Variants in CSMD2 observed in about 807,000 individuals in gnomAD.
The protein encoded by CSMD2 is CUB and Sushi multiple domains 2.
Under a neutral mutation model 398.5 loss-of-function variants are expected in CSMD2, and 130 were observed. The observed-to-expected ratio is 0.33, with a 90% CI of 0.28 to 0.38. The LOEUF is 0.38. CSMD2 is among the 10% of genes least tolerant of loss of function. CSMD2 has a pLI of 1.00. For missense variants in CSMD2, 3,829 were observed against 4,764.9 expected (o/e 0.80, Z 5.78); for synonymous variants, 1,828 against 1,908.5 (o/e 0.96, Z 1.10).
chr1:33,976,355 C>T (rs1645963167), intron 3 of CSMD2, among the ~76,000 whole-genome samples: 1 of 152,218 alleles, frequency 6.6e-6, no homozygotes, highest in African/African-American at 2.4e-5. Flanking sequence ...AACAAAATCT[C>T]AGAACCCACC....
chr1:33,923,884 ACC>A, intron 4 of CSMD2, among the ~76,000 whole-genome samples: 1 of 151,950 alleles, frequency 6.6e-6, no homozygotes, highest in Non-Finnish European at 1.5e-5. Context: ...ACCATCCCCC[ACC>A]TCCTGTCCAT....
chr1:33,711,813 C>T (rs778154351), intron 21 of CSMD2, among the ~76,000 whole-genome samples: 11 of 152,198 alleles, frequency 7.2e-5, no homozygotes, highest in South Asian at 4.1e-4. Context: ...CCTTCCCACA[C>T]GCCTGATACC....
chr1:33,805,810 C>T lies in CSMD2; in HGVS notation c.1446+4933G>A, dbSNP rs770368195. On this transcript the variant is annotated intron_variant, in intron 10 of 70. Coordinates refer to ENST00000373381, the MANE Select transcript of CSMD2 (RefSeq NM_001281956.2). ...CAGGATGAGAGCCCTCATCAGAAAC[C>T]GAATTTAGTTGCACTTTGATCATGG... Among the ~76,000 whole-genome samples, 6 of 151,578 alleles carry T rather than the reference C, an allele frequency of 4.0e-5. No individual in the cohort carries two copies. In the South Asian group the frequency reaches 1.0e-3, roughly 26 times the overall value.
chr1:33,706,787 C>CGTGT (rs933907714), intron 22 of CSMD2, among the ~76,000 whole-genome samples: 2 of 150,270 alleles, frequency 1.3e-5, no homozygotes, highest in Admixed American at 1.3e-4. Context: ...TGTGCATGTA[C>CGTGT]GTGTGTGTGT....
At chr1:33,618,963 T>G (rs1570965310) in intron 37 of CSMD2, among the ~76,000 whole-genome samples, 1 of 152,170 alleles carries the variant, frequency 6.6e-6, no homozygotes. Context: ...TCATCCTGCT[T>G]TGAATCCCTC....
chr1:33,745,162 T>C (rs535265183), intron 13 of CSMD2, among the ~76,000 whole-genome samples: 1 of 152,328 alleles, frequency 6.6e-6, no homozygotes, highest in South Asian at 2.1e-4. Context: ...AACATAATTT[T>C]AAATAAAGCA....
chr1:33,709,359 G>T, intron 21 of CSMD2, 101 bp from the exon 22 acceptor site: 3 of 1,049,754 alleles, frequency 2.9e-6, no homozygotes, highest in Middle Eastern at 3.1e-4. Context: ...CAAGTCGTTT[G>T]CCTGTCTACC....
At chr1:34,100,448 C>T (rs970760780) in intron 1 of CSMD2, among the ~76,000 whole-genome samples, 4 of 152,176 alleles carry the variant, frequency 2.6e-5, no homozygotes, top group African/African-American at 4.8e-5. Context: ...CTTAACAATA[C>T]ACCGGGGACA....
chr1:33,961,755 C>T (rs1455944528), intron 3 of CSMD2, among the ~76,000 whole-genome samples: 3 of 152,134 alleles, frequency 2.0e-5, no homozygotes, highest in African/African-American at 7.2e-5. Context: ...TTCTCTCTTT[C>T]TCCCTCTCTT....
intron 46 of CSMD2, among the ~76,000 whole-genome samples, chr1:33,584,048 GT>G (rs1210875114): frequency 3.3e-5 from 5 of 152,170 alleles, no homozygotes; most frequent in Non-Finnish European, 7.3e-5. Context: ...AGCTTTGCCA[GT>G]TGGTTGGAAT....
intron 11 of CSMD2, among the ~76,000 whole-genome samples, chr1:33,790,860 C>T (rs1654220651): frequency 6.6e-6 from 1 of 150,398 alleles, no homozygotes; most frequent in Non-Finnish European, 1.5e-5. Context: ...ATCTATCTAT[C>T]TCTATCTCCT....
chr1:34,147,949 G>A (rs1338461590), intron 1 of CSMD2, among the ~76,000 whole-genome samples: 4 of 152,140 alleles, frequency 2.6e-5, no homozygotes, highest in African/African-American at 9.7e-5. Flanking sequence ...ATGGCCCCAG[G>A]ACAGAGCCTG....
chr1:34,088,553 G>A (rs139227333), intron 2 of CSMD2, among the ~76,000 whole-genome samples: 1 of 152,314 alleles, frequency 6.6e-6, no homozygotes, highest in East Asian at 1.9e-4. Flanking sequence ...CCAAGGCCTT[G>A]GAAATGCAAA....
chr1:33,884,817 A>T (rs1315432708), intron 5 of CSMD2: 1 of 152,258 alleles, frequency 6.6e-6, no homozygotes, highest in Non-Finnish European at 1.5e-5. Flanking sequence ...TCCTTCAGGT[A>T]CTTTCCCAGG....
chr1:33,594,459 C>T (rs1354620654), intron 44 of CSMD2, among the ~76,000 whole-genome samples: 1 of 152,152 alleles, frequency 6.6e-6, no homozygotes, highest in Non-Finnish European at 1.5e-5. Context: ...GTAGATTTCC[C>T]CTACTCCTCA....
chr1:33,969,544 T>C (rs1645679543), intron 3 of CSMD2, among the ~76,000 whole-genome samples: 1 of 152,226 alleles, frequency 6.6e-6, no homozygotes, highest in South Asian at 2.1e-4. Context: ...TAATACTATC[T>C]CATTGGACCC....
At chr1:33,883,165 C>T (rs1049122809) in intron 5 of CSMD2, among the ~76,000 whole-genome samples, 2 of 152,186 alleles carry the variant, frequency 1.3e-5, no homozygotes, top group Non-Finnish European at 2.9e-5. Context: ...GTTATTTAAA[C>T]TTTCTTCCAT....
intron 1 of CSMD2, among the ~76,000 whole-genome samples, chr1:34,090,527 T>C (rs1571079517): frequency 6.7e-6 from 1 of 148,374 alleles, no homozygotes; most frequent in Non-Finnish European, 1.5e-5. Context: ...CCACCCACTC[T>C]CTCCTCTTCT....
At chr1:34,010,575 C>A (rs551525192) in intron 3 of CSMD2, among the ~76,000 whole-genome samples, 1 of 151,598 alleles carries the variant, frequency 6.6e-6, no homozygotes, top group East Asian at 1.9e-4. Flanking sequence ...CCAGGTTGAT[C>A]GTCAGCAGGG....
Sources: allele counts gnomAD v4.1 joint callset (sites outside exome capture counted in the v4.1 genomes callset), GRCh38; gene constraint gnomAD v4.1.1; transcripts MANE v1.5; gene names NCBI Gene and HGNC (gene_info 2026-07-23, HGNC 2026-07-21).